SERPINB5: variants seen among roughly 807,000 people sequenced by gnomAD.
SERPINB5 encodes serpin family B member 5, also known as serpin B5.
A neutral mutation model predicts 32.2 loss-of-function variants in SERPINB5; 27 were observed. That is an observed-to-expected ratio of 0.84 (90% CI 0.62 to 1.16). SERPINB5 has a LOEUF of 1.16. Ranked by LOEUF, SERPINB5 falls within the 50% of genes most tolerant of loss-of-function variation. The pLI, the probability that SERPINB5 is intolerant of heterozygous loss-of-function variation, is 0.00. For missense variants in SERPINB5, 388 were observed against 436.3 expected (o/e 0.89, Z 0.99); for synonymous variants, 154 against 157.4 (o/e 0.98, Z 0.16).
Position 63,503,446 on chromosome 18 carries a change from C to T in SERPINB5, c.852C>T (p.Pro284=), listed in dbSNP as rs2144513370. Residue 284 remains proline, a synonymous_variant, in exon 7 of 7, where the codon CCC becomes CCT. Coordinates refer to ENST00000382771, the MANE Select transcript of SERPINB5 (RefSeq NM_002639.5). ...PKFKVEKMID[P]KACLENLGLK... The stretch of plus-strand genomic sequence containing the variant: ...TTAAGGTGGAAAAGATGATTGATCC[C>T]AAGGCTTGTCTGGAAAATCTAGGGC... 1 of 1,614,182 alleles carries T rather than the reference C, an allele frequency of 6.2e-7. No homozygotes were observed. The highest frequency in any genetic ancestry group is 1.7e-5 in the Admixed American group (1 of 60,024).
intron 6 of SERPINB5, 79 bp downstream of exon 6, chr18:63,499,366 G>A (rs1044947151): frequency 1.9e-5 from 25 of 1,286,006 alleles, no homozygotes; most frequent in African/African-American, 4.5e-5. Context: ...TGTGTGGGCC[G>A]TGAGAGCTGG....
rs1262555081 is a variant in SERPINB5 at position 63,498,511 on chromosome 18, G to A, written c.568-609G>A. ...TAGGCATCTGTAAAGAATAACAAAC[G>A]TTGCCTATATTTACAGCCATACAGT... is the stretch of plus-strand genomic sequence containing the variant. On this transcript the variant is annotated intron_variant, in intron 5 of 6. Transcript: ENST00000382771. The surrounding 1 kb of genome is among the most constrained non-coding windows in gnomAD (Gnocchi z 4.2). Among the ~76,000 whole-genome samples the A allele has an allele frequency of 2.6e-5, 4 of 152,188 alleles. No homozygotes were observed. Among genetic ancestry groups the A allele is most frequent in the East Asian group, 1.9e-4 (1 of 5,188 alleles).
chr18:63,502,283 C>T (rs1909586270), intron 6 of SERPINB5, among the ~76,000 whole-genome samples: 2 of 152,012 alleles, frequency 1.3e-5, no homozygotes, highest in East Asian at 3.9e-4. Flanking sequence ...CTACAGGTGC[C>T]TGCCACGACG....
chr18:63,496,604 G>C (rs1212954454), intron 5 of SERPINB5, among the ~76,000 whole-genome samples: 1 of 152,196 alleles, frequency 6.6e-6, no homozygotes, highest in African/African-American at 2.4e-5. Context: ...CTCTGCTGGA[G>C]AGAGGTATTG....
chr18:63,483,280 C>T (rs1347987305), intron 1 of SERPINB5, among the ~76,000 whole-genome samples: 1 of 152,180 alleles, frequency 6.6e-6, no homozygotes, highest in African/African-American at 2.4e-5. Context: ...AGTTATTTGT[C>T]TGCATATCTG....
intron 6 of SERPINB5, among the ~76,000 whole-genome samples, chr18:63,501,005 TTTC>T (rs146165486): frequency 0.16 from 23,867 of 151,712 alleles, 1,939 homozygotes; most frequent in African/African-American, 0.19. Context: ...CATCAATTAT[TTTC>T]TTCTTCTTCT....
rs369704277 is a variant in SERPINB5, at chr18:63,503,263, CA to C, written c.736-65del. The C allele has an allele frequency of 2.7e-5, 41 of 1,496,392 alleles. No individual in the cohort carries two copies. In the African/African-American group the frequency reaches 4.8e-4, roughly 18 times the overall value. The allele number at this position is 1,496,392 out of a possible 1,614,324, so 92.7% of individuals were successfully genotyped here. On this transcript the variant is annotated intron_variant, in intron 6 of 6. Transcript: ENST00000382771. ...GGCTTATCATAACACCTTATGTTTT[CA>C]ATTGAGCCAGGTCTTTTACAGTTGG...
At chr18:63,495,432 T>A (rs1262530333) in intron 5 of SERPINB5, among the ~76,000 whole-genome samples, 2 of 152,198 alleles carry the variant, frequency 1.3e-5, no homozygotes, top group African/African-American at 2.4e-5. Flanking sequence ...CCCTTCTGGC[T>A]CCTTTGATTA....
chr18:63,495,856 C>G (rs1020342609), intron 5 of SERPINB5, among the ~76,000 whole-genome samples: 11 of 152,186 alleles, frequency 7.2e-5, no homozygotes, highest in African/African-American at 2.7e-4. Context: ...AGGCTACACC[C>G]TTCTTTTGAA....
intron 6 of SERPINB5, among the ~76,000 whole-genome samples, chr18:63,499,545 C>G (rs1389999117): frequency 6.6e-6 from 1 of 152,206 alleles, no homozygotes; most frequent in South Asian, 2.1e-4. Context: ...TTAATTCTTA[C>G]AGCAGGCTGA....
At position 63,476,996 on chromosome 18, in the gene SERPINB5, C is replaced by G. The variant is rs1289996795; in HGVS notation, c.-57C>G. ...TCCACATCCAGGTCTTTGTGCTCCT[C>G]GCTTGCCTGTTCCTTTTCCACGCAT... On this transcript the variant is annotated 5_prime_UTR_variant, in exon 1 of 7. Transcript: ENST00000382771. 6.6e-6 allele frequency: 1 copy of G among 152,358 alleles called. No homozygotes were observed. The highest frequency in any genetic ancestry group is 2.4e-5 in the African/African-American group (1 of 41,460). 9.4% of individuals were successfully genotyped at this position (152,358 alleles called of 1,614,324 possible). A position where few individuals can be genotyped will look rare whatever the true frequency, so the allele number is the denominator to read the frequency against.
At chr18:63,503,183 A>T (rs1385337568) in intron 6 of SERPINB5, 147 bp from the exon 7 acceptor site, 3 of 837,290 alleles carry the variant, frequency 3.6e-6, no homozygotes, top group Non-Finnish European at 3.6e-6. Flanking sequence ...CCTGAGTCAC[A>T]TACCAAAAAC....
chr18:63,499,115 TACAG>T lies in SERPINB5; in HGVS notation c.571_574del. ...AGTAAGCAGTCCAAATTTTCCCTTT[TACAG>T]ACAGACACCAAACCAGTGCAGATGA... On this transcript the variant is annotated splice_acceptor_variant and splice_polypyrimidine_tract_variant and intron_variant, in intron 5 of 6. Transcript: ENST00000382771. LOFTEE classifies it high-confidence loss of function. 1 of 1,483,300 alleles carries T rather than the reference TACAG, an allele frequency of 6.7e-7. No homozygotes were observed. The highest frequency in any genetic ancestry group is 9.0e-7 in the Non-Finnish European group (1 of 1,111,812). The allele number at this position is 1,483,300 out of a possible 1,614,324, so 91.9% of individuals were successfully genotyped here.
intron 1 of SERPINB5, 144 bp from the exon 2 acceptor site, chr18:63,484,274 TCTTA>T: frequency 1.2e-6 from 1 of 813,260 alleles, no homozygotes; most frequent in Non-Finnish European, 1.8e-6. Context: ...TCACAACTGA[TCTTA>T]CTTTTGAATT....
At chr18:63,482,324 C>G (rs1248543599) in intron 1 of SERPINB5, among the ~76,000 whole-genome samples, 2 of 152,268 alleles carry the variant, frequency 1.3e-5, no homozygotes, top group Admixed American at 1.3e-4. Flanking sequence ...CAAAGGGAGT[C>G]CTCTATCTTA....
intron 6 of SERPINB5, among the ~76,000 whole-genome samples, chr18:63,503,030 C>CCAAA (rs373144034): frequency 9.8e-4 from 149 of 151,908 alleles, no homozygotes; most frequent in African/African-American, 1.8e-3. Flanking sequence ...TAAAAAAAAC[C>CCAAA]CAAACAAACA....
At chr18:63,490,200 AAAACC>A (rs1909297190) in intron 4 of SERPINB5, among the ~76,000 whole-genome samples, 1 of 151,710 alleles carries the variant, frequency 6.6e-6, no homozygotes, top group African/African-American at 2.4e-5. Context: ...TTAAAAAAAG[AAAACC>A]AAACCAAACA....
At position 63,498,774 on chromosome 18, in the gene SERPINB5, T is replaced by C. The variant is rs1250903968; in HGVS notation, c.568-346T>C. Among the ~76,000 whole-genome samples, 1 of 151,226 alleles carries C rather than the reference T, an allele frequency of 6.6e-6. No individual in the cohort carries two copies. The highest frequency in any genetic ancestry group is 1.5e-5 in the Non-Finnish European group (1 of 67,876). On this transcript the variant is annotated intron_variant, in intron 5 of 6. Transcript: ENST00000382771. This position sits in a 1 kb window ranked among gnomAD's most constrained non-coding sequence, Gnocchi z 4.2. ...GTATATATATATATGTACATATATA[T>C]TTATGTGTTTGCCTATATATGTGTA...
At chr18:63,497,805 C>T (rs958118113) in intron 5 of SERPINB5, among the ~76,000 whole-genome samples, 30 of 152,130 alleles carry the variant, frequency 2.0e-4, no homozygotes, top group African/African-American at 7.2e-4. Flanking sequence ...TTTCTTCCTC[C>T]CCAGTGGTAA....
Sources: allele counts gnomAD v4.1 joint callset (sites outside exome capture counted in the v4.1 genomes callset), GRCh38; gene constraint gnomAD v4.1.1; non-coding constraint Gnocchi (gnomAD v3.1); transcripts MANE v1.5; gene names NCBI Gene and HGNC (gene_info 2026-07-23, HGNC 2026-07-21).